Variants in BRSK2 observed in about 807,000 individuals in gnomAD.
BRSK2 encodes the protein serine/threonine-protein kinase BRSK2.
A neutral mutation model predicts 83.3 loss-of-function variants in BRSK2; 19 were observed. The ratio of observed to expected loss-of-function variants is 0.23; its 90% CI spans 0.16 to 0.33. BRSK2 has a LOEUF of 0.33. Ranked by LOEUF, BRSK2 falls within the 10% of genes least tolerant of loss-of-function variation. BRSK2 has a pLI of 1.00. For missense variants in BRSK2, 798 were observed against 1,042.3 expected, an observed-to-expected ratio of 0.77 and a Z score of 3.23; for synonymous variants, 519 against 435.4, an observed-to-expected ratio of 1.19 and a Z score of -2.39.
chr11:1,411,118 CT>C, intron 1 of BRSK2: 1 of 1,200,328 alleles, frequency 8.3e-7, no homozygotes, highest in East Asian at 3.4e-5. Flanking sequence ...TGGAGACCAG[CT>C]GGGGATCCTC....
intron 12 of BRSK2, among the ~76,000 whole-genome samples, 197 bp from the exon 13 acceptor site, chr11:1,449,579 G>A (rs1845551511): frequency 6.6e-6 from 1 of 152,134 alleles, no homozygotes; most frequent in Non-Finnish European, 1.5e-5. Context: ...TCTGATGGGG[G>A]CCCCAGTGGG....
intron 1 of BRSK2, among the ~76,000 whole-genome samples, chr11:1,407,129 C>T (rs1356459320): frequency 1.3e-5 from 2 of 152,154 alleles, no homozygotes; most frequent in Non-Finnish European, 2.9e-5. Context: ...CTGGCAGGTG[C>T]AGAGCGGAGG....
In BRSK2 at chr11:1,442,623, C is replaced by T. The variant is rs1037539534; in HGVS notation, c.530+17C>T. Reference sequence around the variant, plus strand: ...CAGCTGTGGGTACGTGGCCCTCTGCCCTGGAGAGAGGCTGGGGGACAGGCT... The same window carrying T: ...CAGCTGTGGGTACGTGGCCCTCTGCTCTGGAGAGAGGCTGGGGGACAGGCT... On this transcript the variant is annotated intron_variant, in intron 5 of 19. Coordinates refer to ENST00000528841, the MANE Select transcript of BRSK2 (RefSeq NM_001256627.2). 11 of 1,585,970 alleles carry T rather than the reference C, an allele frequency of 6.9e-6. No homozygotes were observed. Among genetic ancestry groups the T allele is most frequent in the Non-Finnish European group, 8.6e-6 (10 of 1,156,202 alleles).
At chr11:1,420,264 G>A (rs1254564309) in intron 1 of BRSK2, among the ~76,000 whole-genome samples, 1 of 152,226 alleles carries the variant, frequency 6.6e-6, no homozygotes, top group East Asian at 1.9e-4. Context: ...TGCTCTGCTG[G>A]GTGTGACCCC....
chr11:1,408,089 G>A (rs1332877336), intron 1 of BRSK2, among the ~76,000 whole-genome samples: 2 of 152,242 alleles, frequency 1.3e-5, no homozygotes, highest in Admixed American at 6.5e-5. Flanking sequence ...CATACTCTCT[G>A]CAGCCCATCC....
At position 1,462,386 on chromosome 11, in the gene BRSK2, C is replaced by G. The variant is rs1847600498; in HGVS notation, c.*1663C>G. ...GGTGCCTGCCCCTGCCTCCCACCCA[C>G]CTCGTGTATAGATTTTAACGCTTCT... On this transcript the variant is annotated 3_prime_UTR_variant, in exon 20 of 20. Coordinates refer to ENST00000528841, the MANE Select transcript of BRSK2 (RefSeq NM_001256627.2). 1.3e-5 allele frequency: 2 copies of G among 152,306 alleles called. No individual in the cohort carries two copies. The highest frequency in any genetic ancestry group is 2.9e-5 in the Non-Finnish European group (2 of 68,078). 9.4% of individuals were successfully genotyped at this position (152,306 alleles called of 1,614,324 possible). A position where few individuals can be genotyped will look rare whatever the true frequency, so the allele number is the denominator to read the frequency against.
chr11:1,443,471 ACAC>A lies in BRSK2; in HGVS notation c.634-16_634-14del. On this transcript the variant is annotated splice_polypyrimidine_tract_variant and intron_variant, in intron 7 of 19. Transcript: ENST00000528841. ...AACCTGCCCCCCCACGCTGACCCCC[ACAC>A]CCGGCCGCCCGCAGGGGGCTCTGCC... 1 of 1,570,134 alleles carries A rather than the reference ACAC, an allele frequency of 6.4e-7. No homozygotes were observed. The highest frequency in any genetic ancestry group is 8.6e-7 in the Non-Finnish European group (1 of 1,156,346).
Position 1,423,365 on chromosome 11 carries a change from C to T in BRSK2, c.92-12675C>T, listed in dbSNP as rs372891150. Among the ~76,000 whole-genome samples, 5 of 152,100 alleles carry T rather than the reference C, an allele frequency of 3.3e-5. No individual in the cohort carries two copies. Among genetic ancestry groups the T allele is most frequent in the African/African-American group, 4.8e-5 (2 of 41,420 alleles). ...CAGTGCAGAGCCTTCAGTTAGGAGC[C>T]GAGGCCTCTGGCCAGGTTCAGGCAC... On this transcript the variant is annotated intron_variant, in intron 1 of 19. Coordinates refer to ENST00000528841, the MANE Select transcript of BRSK2 (RefSeq NM_001256627.2). The surrounding 1 kb of genome is among the most constrained non-coding windows in gnomAD (Gnocchi z 6.5).
In BRSK2 at chr11:1,454,927, CTGGG is replaced by C. The variant is rs947197656; in HGVS notation, c.1668+325_1668+328del. Among the ~76,000 whole-genome samples the C allele has an allele frequency of 2.6e-5, 4 of 152,132 alleles. No individual in the cohort carries two copies. Among genetic ancestry groups the C allele is most frequent in the African/African-American group, 9.7e-5 (4 of 41,400 alleles). On this transcript the variant is annotated intron_variant, in intron 16 of 19. Coordinates refer to ENST00000528841, the MANE Select transcript of BRSK2 (RefSeq NM_001256627.2). This position sits in a 1 kb window ranked among gnomAD's most constrained non-coding sequence, Gnocchi z 5.2. ...ACGTGGGGCAGAAGGAAGGCTCCAG[CTGGG>C]TGGGTCTCAGAGGGGGACATTTCCA... is the stretch of plus-strand genomic sequence containing the variant.
rs922528099 is a variant in BRSK2 at position 1,461,254 on chromosome 11, C to T, written c.*531C>T. 6 of 565,382 alleles carry T rather than the reference C, an allele frequency of 1.1e-5. No individual in the cohort carries two copies. The highest frequency in any genetic ancestry group is 5.9e-5 in the African/African-American group (3 of 50,548). 35.0% of individuals were successfully genotyped at this position (565,382 alleles called of 1,614,324 possible). A position where few individuals can be genotyped will look rare whatever the true frequency, so the allele number is the denominator to read the frequency against. ...GCCTGGTGGCCTTCTGGGGCCAGGA[C>T]CCCTGGTGGGCAACGTAGCCACAGG... On this transcript the variant is annotated 3_prime_UTR_variant, in exon 20 of 20. Transcript: ENST00000528841.
In BRSK2 at chr11:1,395,347, C is replaced by T. The variant is rs374327010; in HGVS notation, c.91+4972C>T. ...AAGTCTCCCTGGCCCCCTGAAGTCCCTGGAAAGGCCCATTTGGTGTCGCTG... is the reference window on the plus strand; with the variant it reads ...AAGTCTCCCTGGCCCCCTGAAGTCCTTGGAAAGGCCCATTTGGTGTCGCTG... On this transcript the variant is annotated intron_variant, in intron 1 of 19. Coordinates refer to ENST00000528841, the MANE Select transcript of BRSK2 (RefSeq NM_001256627.2). 5.9e-3 allele frequency among the ~76,000 whole-genome samples: 900 copies of T among 152,318 alleles called. 6 individuals are homozygous for T. Among genetic ancestry groups the T allele is most frequent in the African/African-American group, 0.02 (852 of 41,574 alleles).
chr11:1,399,454 G>C (rs1234689402), intron 1 of BRSK2, among the ~76,000 whole-genome samples: 1 of 152,210 alleles, frequency 6.6e-6, no homozygotes, highest in African/African-American at 2.4e-5. Flanking sequence ...TGGCGTCACT[G>C]TGTTGCCTTC....
At chr11:1,417,428 A>G (rs1382865967) in intron 1 of BRSK2, among the ~76,000 whole-genome samples, 1 of 152,272 alleles carries the variant, frequency 6.6e-6, no homozygotes, top group Admixed American at 6.5e-5. Flanking sequence ...TGAAATATAT[A>G]TATGTGTGAT....
At chr11:1,436,853 CGA>C (rs1270111500) in intron 2 of BRSK2, among the ~76,000 whole-genome samples, 1 of 152,052 alleles carries the variant, frequency 6.6e-6, no homozygotes, top group Non-Finnish European at 1.5e-5. Context: ...GACCCGGGGA[CGA>C]GGCCAGTGGG....
Position 1,460,734 on chromosome 11 carries a change from C to CCA in BRSK2, c.*12_*13insAC, listed in dbSNP as rs1554922181. The CCA allele has an allele frequency of 5.0e-6, 4 of 796,544 alleles. No homozygotes were observed. The highest frequency in any genetic ancestry group is 6.4e-6 in the Non-Finnish European group (4 of 626,044). 49.3% of individuals were successfully genotyped at this position (796,544 alleles called of 1,614,324 possible). On this transcript the variant is annotated 3_prime_UTR_variant, in exon 20 of 20. Coordinates refer to ENST00000528841, the MANE Select transcript of BRSK2 (RefSeq NM_001256627.2). ...CGCGAGCAGCCTTAGACACACTAGC[C>CCA]CCCCCCCCCAGCACAGCACTGACAG...
intron 1 of BRSK2, among the ~76,000 whole-genome samples, chr11:1,421,490 C>T (rs183771370): frequency 7.9e-5 from 12 of 152,310 alleles, no homozygotes; most frequent in Middle Eastern, 3.4e-3. Context: ...GGCAGCGGAG[C>T]GGCTGCAGTG....
intron 1 of BRSK2, among the ~76,000 whole-genome samples, chr11:1,408,766 T>G (rs1590345339): frequency 4.0e-5 from 3 of 75,676 alleles, no homozygotes; most frequent in African/African-American, 8.2e-5. Flanking sequence ...TGTGCAGGGG[T>G]GTGTGTGTGT....
intron 1 of BRSK2, among the ~76,000 whole-genome samples, chr11:1,413,435 G>A (rs1847771835): frequency 6.6e-6 from 1 of 152,182 alleles, no homozygotes; most frequent in Non-Finnish European, 1.5e-5. Context: ...GGCCTGAGCT[G>A]TCTCTGTCCA....
chr11:1,439,160 A>G (rs1850786951), intron 3 of BRSK2, among the ~76,000 whole-genome samples: 1 of 152,212 alleles, frequency 6.6e-6, no homozygotes, highest in African/African-American at 2.4e-5. Context: ...CTGAGGGAGC[A>G]GGGAACATAC....
Sources: gnomAD v4.1 joint callset for allele counts (sites outside exome capture counted in the v4.1 genomes callset) on GRCh38, gnomAD v4.1.1 for gene constraint, Gnocchi (gnomAD v3.1) non-coding constraint, MANE v1.5 for transcripts, NCBI Gene and HGNC (gene_info 2026-07-23, HGNC 2026-07-21) for gene names.